ESRRG: variants seen among roughly 807,000 people sequenced by gnomAD.
ESRRG encodes the protein estrogen related receptor gamma, also known as estrogen-related receptor gamma.
In ESRRG, 13 loss-of-function variants were observed where a neutral mutation model predicts 44.0. The observed-to-expected ratio is 0.30, with a 90% CI of 0.19 to 0.47. The LOEUF (loss-of-function observed/expected upper bound fraction) is 0.47. ESRRG is among the 20% of genes least tolerant of loss of function. The pLI is 1.00. For missense variants in ESRRG, 395 were observed against 580.6 expected (o/e 0.68, Z 3.29); for synonymous variants, 215 against 214.6 (o/e 1.00, Z -0.02).
intron 2 of ESRRG, among the ~76,000 whole-genome samples, chr1:216,733,302 T>C (rs1294790301): frequency 6.6e-6 from 1 of 151,654 alleles, no homozygotes; most frequent in Non-Finnish European, 1.5e-5. Context: ...GGTATGTTAC[T>C]GCTAAGAAGA....
At chr1:216,589,778 C>T (rs2057326557) in intron 3 of ESRRG, among the ~76,000 whole-genome samples, 1 of 151,560 alleles carries the variant, frequency 6.6e-6, no homozygotes, top group Non-Finnish European at 1.5e-5. Flanking sequence ...GTCGTGTGCA[C>T]CTGTACTCCC....
chr1:216,826,967 G>A (rs1015175283), intron 2 of ESRRG, among the ~76,000 whole-genome samples: 1 of 152,128 alleles, frequency 6.6e-6, no homozygotes, highest in African/African-American at 2.4e-5. Context: ...AACTATATGA[G>A]CAGGGGGGTG....
intron 2 of ESRRG, among the ~76,000 whole-genome samples, chr1:216,775,197 A>AT (rs557683560): frequency 2.8e-3 from 433 of 152,012 alleles, no homozygotes; most frequent in African/African-American, 9.9e-3. Context: ...CCAGTTTGCC[A>AT]TTTGCCTTCT....
intron 1 of ESRRG, among the ~76,000 whole-genome samples, chr1:217,103,580 C>T (rs1267012747): frequency 1.3e-5 from 2 of 151,800 alleles, no homozygotes; most frequent in Admixed American, 6.6e-5. Context: ...ATCACTTCAG[C>T]CCAGGCGTTT....
intron 2 of ESRRG, among the ~76,000 whole-genome samples, chr1:216,882,434 G>T (rs1280363846): frequency 6.6e-6 from 1 of 152,018 alleles, no homozygotes; most frequent in Non-Finnish European, 1.5e-5. Flanking sequence ...ATGAAGTAAT[G>T]AAAAAAGGAA....
chr1:216,782,266 C>G (rs2093962141), intron 2 of ESRRG, among the ~76,000 whole-genome samples: 1 of 152,010 alleles, frequency 6.6e-6, no homozygotes, highest in Admixed American at 6.6e-5. Flanking sequence ...GACAGATTTG[C>G]ACTTGTTACA....
intron 1 of ESRRG, among the ~76,000 whole-genome samples, chr1:216,944,362 A>T (rs545835471): frequency 3.9e-5 from 6 of 152,206 alleles, no homozygotes; most frequent in Non-Finnish European, 4.4e-5. Flanking sequence ...CGCTGGAAAC[A>T]TGGAAAGTTA....
intron 2 of ESRRG, among the ~76,000 whole-genome samples, chr1:216,893,035 G>A (rs940243221): frequency 6.6e-6 from 1 of 152,086 alleles, no homozygotes; most frequent in Non-Finnish European, 1.5e-5. Flanking sequence ...TCACAATCTG[G>A]TCCTAAGCTA....
intron 2 of ESRRG, among the ~76,000 whole-genome samples, chr1:216,835,833 C>T (rs1316922168): frequency 1.3e-5 from 2 of 152,156 alleles, no homozygotes; most frequent in Non-Finnish European, 2.9e-5. Context: ...TATATCACAA[C>T]ATTTAATGAG....
chr1:216,677,898 A>G (rs1575165687), intron 1 of ESRRG, among the ~76,000 whole-genome samples: 1 of 152,226 alleles, frequency 6.6e-6, no homozygotes, highest in Non-Finnish European at 1.5e-5. Context: ...GGTGATTTGC[A>G]AAGTCTATAC....
chr1:216,597,301 C>A (rs1015615116), intron 3 of ESRRG, among the ~76,000 whole-genome samples: 1 of 152,086 alleles, frequency 6.6e-6, no homozygotes, highest in African/African-American at 2.4e-5. Flanking sequence ...ATAATGCTTG[C>A]ATTTTAATAA....
chr1:216,843,156 A>G (rs1009797284), intron 2 of ESRRG, among the ~76,000 whole-genome samples: 3 of 151,912 alleles, frequency 2.0e-5, no homozygotes, highest in African/African-American at 7.3e-5. Context: ...TTTTTTCTTA[A>G]ATTTCCATGC....
intron 5 of ESRRG, among the ~76,000 whole-genome samples, chr1:216,545,624 G>T (rs976694756): frequency 3.9e-5 from 6 of 151,992 alleles, no homozygotes; most frequent in African/African-American, 1.4e-4. Flanking sequence ...CAAATAATAA[G>T]AAATTGTTTG....
At chr1:216,604,796 G>T (rs754242038) in intron 3 of ESRRG, among the ~76,000 whole-genome samples, 26 of 152,086 alleles carry the variant, frequency 1.7e-4, no homozygotes, top group Non-Finnish European at 3.2e-4. Flanking sequence ...TAAAATATTT[G>T]CCTGTTGTTC....
rs574720917 is a variant in ESRRG at position 216,775,802 on chromosome 1, T to C, written c.-13-98311A>G. On this transcript the variant is annotated intron_variant, in intron 2 of 7. Coordinates refer to the ESRRG transcript ENST00000359162. ...CTGGTCTTGAACTCCTGGGCTCAAGTAATCCGCCTTTCTTGGCCTCCCAAA... is the reference window on the plus strand; with the variant it reads ...CTGGTCTTGAACTCCTGGGCTCAAGCAATCCGCCTTTCTTGGCCTCCCAAA... Among the ~76,000 whole-genome samples the C allele has an allele frequency of 1.4e-3, 214 of 151,956 alleles. 1 individual carries two copies. Among genetic ancestry groups the C allele is most frequent in the Non-Finnish European group, 2.4e-3 (161 of 67,938 alleles).
At chr1:216,914,611 T>C (rs775645549) in intron 2 of ESRRG, among the ~76,000 whole-genome samples, 63 of 152,310 alleles carry the variant, frequency 4.1e-4, no homozygotes, top group Non-Finnish European at 6.8e-4. Context: ...ATTGTACAAT[T>C]TTCAAAAGTG....
At chr1:216,583,677 A>G (rs1208891419) in intron 3 of ESRRG, among the ~76,000 whole-genome samples, 1 of 152,246 alleles carries the variant, frequency 6.6e-6, no homozygotes, top group East Asian at 1.9e-4. Flanking sequence ...AAAGCAGCCC[A>G]GGAACATGCT....
intron 3 of ESRRG, among the ~76,000 whole-genome samples, chr1:216,620,522 CT>C (rs1454469461): frequency 1.3e-5 from 2 of 152,078 alleles, no homozygotes; most frequent in Non-Finnish European, 2.9e-5. Flanking sequence ...ACTGGCAAAC[CT>C]ATAAAAAGAA....
At chr1:216,603,453 T>G (rs2059507164) in intron 3 of ESRRG, among the ~76,000 whole-genome samples, 6 of 152,148 alleles carry the variant, frequency 3.9e-5, no homozygotes, top group Admixed American at 3.9e-4. Context: ...TACTTAATCC[T>G]CACCAGAAAA....
Sources: gnomAD v4.1 joint callset for allele counts (sites outside exome capture counted in the v4.1 genomes callset) on GRCh38, gnomAD v4.1.1 for gene constraint, MANE v1.5 for transcripts, NCBI Gene and HGNC (gene_info 2026-07-23, HGNC 2026-07-21) for gene names.